The following NRXN1 variants were observed in gnomAD, a reference collection of about 807,000 sequenced individuals.
NRXN1 encodes neurexin-1.
NRXN1 carries 39 observed loss-of-function variants against 150.9 expected under a neutral mutation model. The observed-to-expected ratio is 0.26, with a 90% confidence interval of 0.20 to 0.34. The LOEUF is 0.34. Ranked by LOEUF, NRXN1 falls within the 10% of genes least tolerant of loss-of-function variation. NRXN1 has a pLI of 1.00. For synonymous variants in NRXN1, 924 were observed against 757.0 expected, an observed-to-expected ratio of 1.22 and a Z score of -3.62; for missense variants, 1,815 against 1,949.9, an observed-to-expected ratio of 0.93 and a Z score of 1.30.
intron 17 of NRXN1, among the ~76,000 whole-genome samples, chr2:50,320,163 G>A (rs1194928900): frequency 6.6e-6 from 1 of 151,246 alleles, no homozygotes; most frequent in African/African-American, 2.4e-5. Flanking sequence ...ATCAATTCAA[G>A]TGCCTAACAA....
At chr2:49,948,125 A>G (rs1244943863) in intron 21 of NRXN1, among the ~76,000 whole-genome samples, 1 of 152,108 alleles carries the variant, frequency 6.6e-6, no homozygotes, top group Admixed American at 6.6e-5. Context: ...GGCAAACATC[A>G]AATATAAACT....
chr2:50,606,680 C>T (rs1485373363), intron 8 of NRXN1, among the ~76,000 whole-genome samples: 1 of 151,554 alleles, frequency 6.6e-6, no homozygotes. Context: ...GGCTAGATGA[C>T]ATAGTTATCT....
intron 5 of NRXN1, among the ~76,000 whole-genome samples, chr2:50,907,463 G>A (rs553570929): frequency 6.6e-6 from 1 of 152,114 alleles, no homozygotes; most frequent in Non-Finnish European, 1.5e-5. Flanking sequence ...TTTACGAAGG[G>A]TGAGAAAAAG....
chr2:50,652,600 C>T (rs369736303), intron 5 of NRXN1, among the ~76,000 whole-genome samples: 55 of 152,046 alleles, frequency 3.6e-4, no homozygotes, highest in African/African-American at 1.3e-3. Flanking sequence ...TCAGTTGATG[C>T]ACATCTGTGC....
At chr2:50,275,243 C>T (rs2070288805) in intron 17 of NRXN1, among the ~76,000 whole-genome samples, 1 of 152,144 alleles carries the variant, frequency 6.6e-6, no homozygotes, top group African/African-American at 2.4e-5. Context: ...TAAACCAAGT[C>T]TACTTGCCCA....
At chr2:50,549,987 G>T (rs905100845) in intron 9 of NRXN1, among the ~76,000 whole-genome samples, 1 of 152,012 alleles carries the variant, frequency 6.6e-6, no homozygotes, top group Non-Finnish European at 1.5e-5. Flanking sequence ...ATAGAAGAAA[G>T]ACTGGAAAGA....
chr2:50,240,856 G>A (rs146291333), intron 17 of NRXN1, among the ~76,000 whole-genome samples: 1,536 of 151,748 alleles, frequency 0.01, 25 homozygotes, highest in African/African-American at 0.035. Flanking sequence ...AAATTTTAGA[G>A]AGAATAGGTG....
intron 18 of NRXN1, among the ~76,000 whole-genome samples, chr2:50,094,135 T>C (rs1322561760): frequency 1.3e-5 from 2 of 152,240 alleles, no homozygotes; most frequent in African/African-American, 4.8e-5. Flanking sequence ...TAATAGAATA[T>C]TAAAATGATT....
chr2:50,880,637 C>A (rs1679295394), intron 5 of NRXN1, among the ~76,000 whole-genome samples: 1 of 151,996 alleles, frequency 6.6e-6, no homozygotes, highest in Admixed American at 6.6e-5. Context: ...AAATGGCCAA[C>A]AATTTGCACG....
intron 2 of NRXN1, chr2:51,026,565 C>T (rs966842256): frequency 4.0e-6 from 3 of 756,502 alleles, no homozygotes; most frequent in Admixed American, 4.8e-5. Flanking sequence ...ACTTGGCCTC[C>T]ACTACCCAGA....
chr2:50,810,744 G>C (rs113718343), intron 5 of NRXN1, among the ~76,000 whole-genome samples: 29,942 of 152,080 alleles, frequency 0.2, 3,021 homozygotes, highest in African/African-American at 0.2. Flanking sequence ...CACTTTGGGA[G>C]GACTAGGCAG....
At chr2:50,951,963 A>ATATATTTTT (rs1387961788) in intron 2 of NRXN1, among the ~76,000 whole-genome samples, 18 of 74,808 alleles carry the variant, frequency 2.4e-4, no homozygotes, top group East Asian at 5.0e-4. Flanking sequence ...ATATATATAT[A>ATATATTTTT]TTTTTTTTTT....
At chr2:50,598,431 C>A in intron 8 of NRXN1, among the ~76,000 whole-genome samples, 1 of 151,256 alleles carries the variant, frequency 6.6e-6, no homozygotes, top group East Asian at 1.9e-4. Flanking sequence ...ATAAAATAAA[C>A]TTTTTTAAAT....
At position 50,683,646 on chromosome 2, in the gene NRXN1, A is replaced by AATATATAT. The variant is rs71225142; in HGVS notation, c.833-60039_833-60032dup. On this transcript the variant is annotated intron_variant, in intron 5 of 22. Transcript: ENST00000401669. ...GACTCCGTCTCAAAAAAAAAAAAAAAATATATATATATATATATATGTTAT... is the reference window on the plus strand; with the variant it reads ...GACTCCGTCTCAAAAAAAAAAAAAAAATATATATATATATATATATATATATATGTTAT... 8.1e-3 allele frequency among the ~76,000 whole-genome samples: 119 copies of AATATATAT among 14,722 alleles called. 1 individual carries two copies. The highest frequency in any genetic ancestry group is 0.062 in the Middle Eastern group (1 of 16). 9.7% of individuals were successfully genotyped at this position (14,722 alleles called of 152,430 possible).
chr2:50,916,081 C>T (rs1242230897), intron 5 of NRXN1, among the ~76,000 whole-genome samples: 1 of 146,778 alleles, frequency 6.8e-6, no homozygotes, highest in Non-Finnish European at 1.5e-5. Context: ...TTCCTTTATA[C>T]TACCACTAAA....
Position 50,623,554 on chromosome 2 carries a change from T to G in NRXN1, c.894A>C (p.Gln298His). 6.2e-7 allele frequency: 1 copy of G among 1,613,364 alleles called. No individual in the cohort carries two copies. Among genetic ancestry groups the G allele is most frequent in the East Asian group, 2.2e-5 (1 of 44,854 alleles). The change falls in exon 6 of 23, where the codon CAA (glutamine) becomes CAC (histidine). Residue 298 changes from glutamine to histidine, a missense_variant. By Grantham distance (24) the Gln-to-His change is conservative. Transcript: ENST00000401669. ...GSEYFCYDLS[Q>H]NPIQSSSDEI... ...CATCACTGCTGCTTTGAATGGGGTT[T>G]TGAGACAAGTCGTAGCAGAAGTATT... is the stretch of plus-strand genomic sequence containing the variant.
intron 17 of NRXN1, among the ~76,000 whole-genome samples, chr2:50,439,000 G>A (rs1470371874): frequency 6.6e-6 from 1 of 152,172 alleles, no homozygotes; most frequent in Non-Finnish European, 1.5e-5. Flanking sequence ...TGTCATTGGA[G>A]GGATATGCCT....
rs147753685 is a variant in NRXN1, at chr2:51,011,282, G to A, written c.772+16220C>T. Reference sequence around the variant, plus strand: ...ATATCTTGCAGTGAGACCCACTAACGTTTATTGAACTCCTACAGTGGGCCA... The same window carrying A: ...ATATCTTGCAGTGAGACCCACTAACATTTATTGAACTCCTACAGTGGGCCA... On this transcript the variant is annotated intron_variant, in intron 2 of 22. Coordinates refer to ENST00000401669, the MANE Select transcript of NRXN1 (RefSeq NM_001330078.2). 1.4e-4 allele frequency among the ~76,000 whole-genome samples: 22 copies of A among 152,010 alleles called. 1 individual carries two copies. The East Asian group carries it at 2.3e-3, about 16-fold the overall frequency.
At chr2:50,099,762 T>C (rs1700755323) in intron 18 of NRXN1, among the ~76,000 whole-genome samples, 1 of 152,132 alleles carries the variant, frequency 6.6e-6, no homozygotes, top group South Asian at 2.1e-4. Flanking sequence ...ATTTTGTAAA[T>C]GGGAAAGCTA....
Sources: gnomAD v4.1 joint callset for allele counts (sites outside exome capture counted in the v4.1 genomes callset) on GRCh38, gnomAD v4.1.1 for gene constraint, MANE v1.5 for transcripts, NCBI Gene and HGNC (gene_info 2026-07-23, HGNC 2026-07-21) for gene names.